LTBP1: variants seen among roughly 807,000 people sequenced by gnomAD.
The protein encoded by LTBP1 is latent-transforming growth factor beta-binding protein 1.
In LTBP1, 129 loss-of-function variants were observed where a neutral mutation model predicts 207.6. That is an observed-to-expected ratio of 0.62 (90% CI 0.54 to 0.72). LTBP1 has a LOEUF of 0.72. Among genes scored for constraint, LTBP1 ranks in the 30% least tolerant of loss-of-function variants. LTBP1 has a pLI of 0.00. For synonymous variants in LTBP1, 963 were observed against 833.7 expected (o/e 1.16, Z -2.67); for missense variants, 2,281 against 2,217.2 (o/e 1.03, Z -0.58).
intron 3 of LTBP1, among the ~76,000 whole-genome samples, chr2:33,071,275 C>T (rs1284425189): frequency 6.6e-6 from 1 of 152,226 alleles, no homozygotes; most frequent in South Asian, 2.1e-4. Context: ...CTGGGCCTCT[C>T]CATAGGACAG....
chr2:33,018,739 T>C (rs551544553), intron 2 of LTBP1, among the ~76,000 whole-genome samples: 17 of 152,320 alleles, frequency 1.1e-4, no homozygotes, highest in African/African-American at 4.1e-4. Flanking sequence ...GGAACAGCCT[T>C]TATTCTCATA....
At chr2:33,101,873 T>G (rs1331542215) in intron 3 of LTBP1, among the ~76,000 whole-genome samples, 1 of 152,230 alleles carries the variant, frequency 6.6e-6, no homozygotes, top group Non-Finnish European at 1.5e-5. Context: ...ACTTACTCAG[T>G]TCAAGGTTTT....
chr2:32,948,896 G>T lies in LTBP1; in HGVS notation c.516G>T (p.Arg172=), dbSNP rs574285274. The change falls in exon 2 of 34, where the codon CGG becomes CGT. Residue 172 remains arginine, a synonymous_variant. Coordinates refer to ENST00000404816, the MANE Select transcript of LTBP1 (RefSeq NM_206943.4). ...QLQGVNVCGG[R]CCHGWSKAPG... ...TCAGGGTCAATGTCTGTGGAGGGCGGTGCTGTCATGGCTGGAGTAAGGCCC... is the reference window on the plus strand; with the variant it reads ...TCAGGGTCAATGTCTGTGGAGGGCGTTGCTGTCATGGCTGGAGTAAGGCCC... The T allele has an allele frequency of 2.3e-5, 37 of 1,614,166 alleles. No individual in the cohort carries two copies. The South Asian group carries it at 3.8e-4, about 17-fold the overall frequency.
chr2:32,977,451 A>T (rs1388136776), intron 2 of LTBP1, among the ~76,000 whole-genome samples: 2 of 152,178 alleles, frequency 1.3e-5, no homozygotes, highest in African/African-American at 4.8e-5. Context: ...GGGCGGGGTG[A>T]GGGCGGCTGG....
intron 3 of LTBP1, among the ~76,000 whole-genome samples, chr2:33,109,060 A>AG (rs903430474): frequency 1.3e-5 from 2 of 152,232 alleles, no homozygotes; most frequent in African/African-American, 4.8e-5. Flanking sequence ...CAGGGTTTAA[A>AG]GGGGTAGACC....
intron 2 of LTBP1, among the ~76,000 whole-genome samples, chr2:32,985,535 T>C (rs953071004): frequency 1.3e-5 from 2 of 152,162 alleles, no homozygotes; most frequent in Non-Finnish European, 2.9e-5. Flanking sequence ...GAGATGTGTC[T>C]AAGGGACAAT....
At chr2:33,287,006 C>T (rs2093678320) in intron 19 of LTBP1, among the ~76,000 whole-genome samples, 1 of 152,172 alleles carries the variant, frequency 6.6e-6, no homozygotes. Flanking sequence ...GGGTGCAGCA[C>T]ACCAACATGG....
At chr2:33,199,363 A>G (rs546876322) in intron 7 of LTBP1, among the ~76,000 whole-genome samples, 59 of 152,282 alleles carry the variant, frequency 3.9e-4, no homozygotes, top group African/African-American at 9.4e-4. Context: ...TGCTGAAAAA[A>G]ATGTATATTC....
intron 9 of LTBP1, among the ~76,000 whole-genome samples, chr2:33,237,697 C>G (rs1174392269): frequency 6.6e-6 from 1 of 152,162 alleles, no homozygotes; most frequent in Admixed American, 6.5e-5. Flanking sequence ...TTCTGTGACT[C>G]TATCCTGGGG....
intron 31 of LTBP1, among the ~76,000 whole-genome samples, chr2:33,372,137 G>A (rs145163060): frequency 1.3e-5 from 2 of 152,320 alleles, no homozygotes; most frequent in East Asian, 3.9e-4. Flanking sequence ...CTGAGGCACA[G>A]CAAGCTTAAG....
chr2:33,108,280 G>A (rs1189253632), intron 3 of LTBP1, among the ~76,000 whole-genome samples: 1 of 151,950 alleles, frequency 6.6e-6, no homozygotes, highest in Admixed American at 6.5e-5. Context: ...CGCACCTCAT[G>A]GGGGGAAGCG....
At chr2:33,071,514 C>T in intron 3 of LTBP1, among the ~76,000 whole-genome samples, 1 of 152,042 alleles carries the variant, frequency 6.6e-6, no homozygotes, top group East Asian at 1.9e-4. Flanking sequence ...TGCACAGCAT[C>T]TAGGAGGTGG....
At chr2:33,208,985 A>T (rs1022556789) in intron 7 of LTBP1, among the ~76,000 whole-genome samples, 2 of 149,284 alleles carry the variant, frequency 1.3e-5, no homozygotes, top group South Asian at 4.2e-4. Context: ...CTCCTGCCTC[A>T]GCCTCCCAAG....
intron 19 of LTBP1, among the ~76,000 whole-genome samples, chr2:33,292,705 C>G (rs948807220): frequency 2.6e-5 from 4 of 152,110 alleles, no homozygotes; most frequent in Non-Finnish European, 4.4e-5. Context: ...CTCTTTTTCA[C>G]CTTTCTGTTA....
intron 2 of LTBP1, among the ~76,000 whole-genome samples, chr2:32,959,599 A>G (rs185794534): frequency 0.089 from 4,567 of 51,472 alleles, 181 homozygotes; most frequent in Middle Eastern, 0.21. Context: ...ATGTACGTGT[A>G]TATATATATA....
Position 33,134,178 on chromosome 2 carries a change from A to G in LTBP1, c.1034-615A>G, listed in dbSNP as rs1271693940. On this transcript the variant is annotated intron_variant, in intron 4 of 33. Transcript: ENST00000404816. This position sits in a 1 kb window ranked among gnomAD's most constrained non-coding sequence, Gnocchi z 4.4. ...ATGTTGCCTAAATTCTTATGGAGAAATAGTGCCCTGGAGTTGTGAAAAAGA... is the reference window on the plus strand; with the variant it reads ...ATGTTGCCTAAATTCTTATGGAGAAGTAGTGCCCTGGAGTTGTGAAAAAGA... Among the ~76,000 whole-genome samples, 1 of 152,220 alleles carries G rather than the reference A, an allele frequency of 6.6e-6. No homozygotes were observed. Among genetic ancestry groups the G allele is most frequent in the African/African-American group, 2.4e-5 (1 of 41,442 alleles).
chr2:32,983,175 A>AAC (rs751821827), intron 2 of LTBP1, among the ~76,000 whole-genome samples: 6 of 146,888 alleles, frequency 4.1e-5, no homozygotes, highest in Non-Finnish European at 4.7e-5. Context: ...CTGGATGTGA[A>AAC]ACAGAGTCAA....
At chr2:33,182,739 CAT>C (rs566038765) in intron 5 of LTBP1, among the ~76,000 whole-genome samples, 2,438 of 67,874 alleles carry the variant, frequency 0.036, 371 homozygotes, top group African/African-American at 0.089. Flanking sequence ...CACACACAGA[CAT>C]ATATATGTAT....
intron 7 of LTBP1, among the ~76,000 whole-genome samples, chr2:33,190,230 T>C (rs538482095): frequency 6.6e-6 from 1 of 152,342 alleles, no homozygotes; most frequent in African/African-American, 2.4e-5. Context: ...GGCTTCGTTC[T>C]GTGGTTTCCC....
Sources: gnomAD v4.1 joint callset for allele counts (sites outside exome capture counted in the v4.1 genomes callset) on GRCh38, gnomAD v4.1.1 for gene constraint, Gnocchi (gnomAD v3.1) non-coding constraint, MANE v1.5 for transcripts, NCBI Gene and HGNC (gene_info 2026-07-23, HGNC 2026-07-21) for gene names.